The following ADAMTS19 variants were observed in gnomAD, a reference collection of about 807,000 sequenced individuals.
The protein encoded by ADAMTS19 is ADAM metallopeptidase with thrombospondin type 1 motif 19, also known as A disintegrin and metalloproteinase with thrombospondin motifs 19.
A neutral mutation model predicts 153.3 loss-of-function variants in ADAMTS19; 93 were observed. The observed-to-expected ratio is 0.61, with a 90% CI of 0.51 to 0.72. The LOEUF (loss-of-function observed/expected upper bound fraction) is 0.72. Ranked by LOEUF, ADAMTS19 falls within the 30% of genes least tolerant of loss-of-function variation. The probability of loss-of-function intolerance (pLI) is 0.00; values close to 1 mark genes in which losing one functional copy is unlikely to be tolerated. For synonymous variants in ADAMTS19, 600 were observed against 556.6 expected, an observed-to-expected ratio of 1.08 and a Z score of -1.10; for missense variants, 1,482 against 1,552.1, an observed-to-expected ratio of 0.95 and a Z score of 0.76.
chr5:129,538,832 C>G (rs902118209), intron 6 of ADAMTS19, among the ~76,000 whole-genome samples: 1 of 152,008 alleles, frequency 6.6e-6, no homozygotes, highest in Non-Finnish European at 1.5e-5. Flanking sequence ...AATGCATATT[C>G]TCATGGCAAA....
intron 2 of ADAMTS19, among the ~76,000 whole-genome samples, chr5:129,462,616 T>G (rs60432350): frequency 0.27 from 39,551 of 147,484 alleles, 7,349 homozygotes; most frequent in African/African-American, 0.53. Context: ...TGTGTGTGTG[T>G]GGGGGGGTCA....
In ADAMTS19 at chr5:129,608,138, A is replaced by T. The variant is rs546742148; in HGVS notation, c.1478+11474A>T. The stretch of plus-strand genomic sequence containing the variant: ...TGTGTATATATATATATATATATAT[A>T]TAATGGAACATTACTAAGTCTTTAA... On this transcript the variant is annotated intron_variant, in intron 8 of 22. Coordinates refer to ENST00000274487, the MANE Select transcript of ADAMTS19 (RefSeq NM_133638.6). Among the ~76,000 whole-genome samples the T allele has an allele frequency of 4.0e-3, 545 of 136,716 alleles. 13 individuals carry two copies. Among genetic ancestry groups the T allele is most frequent in the African/African-American group, 0.014 (528 of 37,942 alleles). The allele number at this position is 136,716 out of a possible 152,430, so 89.7% of individuals were successfully genotyped here.
At chr5:129,511,136 G>A (rs893062138) in intron 3 of ADAMTS19, among the ~76,000 whole-genome samples, 1 of 151,724 alleles carries the variant, frequency 6.6e-6, no homozygotes, top group Non-Finnish European at 1.5e-5. Context: ...TAATAACATG[G>A]TCCAAATTTT....
chr5:129,593,508 T>C (rs747812783), intron 7 of ADAMTS19, among the ~76,000 whole-genome samples: 3 of 152,158 alleles, frequency 2.0e-5, no homozygotes, highest in Non-Finnish European at 4.4e-5. Flanking sequence ...GTAAAATGTC[T>C]GCTCTTTTTC....
At chr5:129,586,254 T>A (rs1749793422) in intron 7 of ADAMTS19, among the ~76,000 whole-genome samples, 1 of 152,218 alleles carries the variant, frequency 6.6e-6, no homozygotes, top group Non-Finnish European at 1.5e-5. Context: ...GACAAATGCA[T>A]AATAGTATCC....
chr5:129,613,637 A>C (rs1031478889), intron 8 of ADAMTS19, among the ~76,000 whole-genome samples: 3 of 152,220 alleles, frequency 2.0e-5, no homozygotes, highest in African/African-American at 7.2e-5. Context: ...TAGTGAAGCA[A>C]GAGCAAACAC....
chr5:129,646,356 G>A (rs1753066804), intron 11 of ADAMTS19, among the ~76,000 whole-genome samples: 1 of 152,102 alleles, frequency 6.6e-6, no homozygotes, highest in East Asian at 1.9e-4. Context: ...GACATTATTA[G>A]AGAAAATCTA....
At chr5:129,606,267 A>T (rs1296676438) in intron 8 of ADAMTS19, among the ~76,000 whole-genome samples, 3 of 152,176 alleles carry the variant, frequency 2.0e-5, no homozygotes, top group African/African-American at 7.2e-5. Flanking sequence ...GCCTGGATAG[A>T]ATAGAGGGGA....
intron 7 of ADAMTS19, among the ~76,000 whole-genome samples, chr5:129,559,705 A>C (rs1753433415): frequency 6.6e-6 from 1 of 152,184 alleles, no homozygotes; most frequent in African/African-American, 2.4e-5. Flanking sequence ...AGAAATGCAA[A>C]CATATATCCA....
chr5:129,648,030 A>T (rs1157716677), intron 12 of ADAMTS19, 135 bp downstream of exon 12: 2 of 937,488 alleles, frequency 2.1e-6, no homozygotes, highest in East Asian at 5.7e-5. Context: ...AAGTCCTTCA[A>T]ATTATTTATT....
At chr5:129,587,177 TCTA>T (rs1749850427) in intron 7 of ADAMTS19, among the ~76,000 whole-genome samples, 1 of 152,122 alleles carries the variant, frequency 6.6e-6, no homozygotes, top group Admixed American at 6.6e-5. Flanking sequence ...AATTATATAA[TCTA>T]CTGATTATAA....
chr5:129,499,773 A>C (rs1399924223), intron 2 of ADAMTS19, among the ~76,000 whole-genome samples: 1 of 152,166 alleles, frequency 6.6e-6, no homozygotes, highest in East Asian at 1.9e-4. Context: ...ATATGAATCT[A>C]GTAAGTGAAT....
At chr5:129,526,482 G>C (rs1561551688) in intron 4 of ADAMTS19, 26 bp downstream of exon 4, 1 of 1,567,580 alleles carries the variant, frequency 6.4e-7, no homozygotes, top group East Asian at 2.4e-5. Flanking sequence ...AGTGCGCTTG[G>C]AATTTTTTCA....
intron 21 of ADAMTS19, among the ~76,000 whole-genome samples, chr5:129,725,370 C>T (rs1406581456): frequency 2.0e-5 from 3 of 152,058 alleles, no homozygotes; most frequent in African/African-American, 7.2e-5. Flanking sequence ...CAACGGCCGG[C>T]TCACACTTGG....
chr5:129,496,252 A>G (rs2126700773), intron 2 of ADAMTS19, among the ~76,000 whole-genome samples: 1 of 152,250 alleles, frequency 6.6e-6, no homozygotes, highest in African/African-American at 2.4e-5. Flanking sequence ...AGTGGTAACG[A>G]GGACATGAAA....
At chr5:129,552,728 G>C (rs1223750061) in intron 7 of ADAMTS19, among the ~76,000 whole-genome samples, 1 of 151,160 alleles carries the variant, frequency 6.6e-6, no homozygotes, top group Admixed American at 6.6e-5. Context: ...AAAGGGTGTA[G>C]AAACAGAACA....
chr5:129,548,428 CTCA>C lies in ADAMTS19; in HGVS notation c.1329-3429_1329-3427del, dbSNP rs200079609. On this transcript the variant is annotated intron_variant, in intron 6 of 22. Coordinates refer to ENST00000274487, the MANE Select transcript of ADAMTS19 (RefSeq NM_133638.6). ...GCAGCCAAAAAACACATGAAAAATG[CTCA>C]TCATCACTGGCCATCAGACAAATGC... 4.3e-3 allele frequency among the ~76,000 whole-genome samples: 654 copies of C among 152,054 alleles called. 3 individuals are homozygous for C. The highest frequency in any genetic ancestry group is 0.025 in the East Asian group (132 of 5,182).
intron 7 of ADAMTS19, among the ~76,000 whole-genome samples, chr5:129,564,831 G>A (rs7380441): frequency 0.76 from 115,408 of 152,106 alleles, 45,484 homozygotes; most frequent in Non-Finnish European, 0.88. Context: ...GCCTCCAGCA[G>A]AGAAGCTAAG....
intron 19 of ADAMTS19, among the ~76,000 whole-genome samples, chr5:129,700,962 T>C (rs1400655152): frequency 6.6e-6 from 1 of 151,670 alleles, no homozygotes; most frequent in Non-Finnish European, 1.5e-5. Context: ...CGTGTCAAAA[T>C]ATATGGTAGT....
Sources: allele counts gnomAD v4.1 joint callset (sites outside exome capture counted in the v4.1 genomes callset), GRCh38; gene constraint gnomAD v4.1.1; transcripts MANE v1.5; gene names NCBI Gene and HGNC (gene_info 2026-07-23, HGNC 2026-07-21).